Variants in NOL4 observed in about 807,000 individuals in gnomAD.
NOL4 encodes cancer/testis antigen 125.
A neutral mutation model predicts 75.9 loss-of-function variants in NOL4; 17 were observed. The observed-to-expected ratio is 0.22, with a 90% confidence interval of 0.15 to 0.34. The LOEUF is 0.34. Ranked by LOEUF, NOL4 falls within the 10% of genes least tolerant of loss-of-function variation. NOL4 has a pLI of 1.00. For missense variants in NOL4, 614 were observed against 793.5 expected, an observed-to-expected ratio of 0.77 and a Z score of 2.72; for synonymous variants, 292 against 289.9, an observed-to-expected ratio of 1.01 and a Z score of -0.07.
At chr18:33,919,963 T>C (rs2066934035) in intron 9 of NOL4, among the ~76,000 whole-genome samples, 1 of 152,198 alleles carries the variant, frequency 6.6e-6, no homozygotes, top group Non-Finnish European at 1.5e-5. Flanking sequence ...AACAACATAA[T>C]AGACTACGTA....
chr18:34,092,535 G>T (rs181995814), intron 5 of NOL4, among the ~76,000 whole-genome samples: 2 of 152,214 alleles, frequency 1.3e-5, no homozygotes, highest in South Asian at 2.1e-4. Context: ...ATAGCAGCTA[G>T]AAATACAGCA....
chr18:33,856,504 G>C (rs1413438901), intron 10 of NOL4, among the ~76,000 whole-genome samples: 1 of 151,930 alleles, frequency 6.6e-6, no homozygotes. Flanking sequence ...ATATTACCAT[G>C]AGTCCTGAGT....
intron 5 of NOL4, among the ~76,000 whole-genome samples, chr18:34,088,679 A>C (rs191003794): frequency 1.3e-5 from 2 of 152,214 alleles, no homozygotes; most frequent in Admixed American, 6.5e-5. Flanking sequence ...ATAACCTTTA[A>C]ATGATTTTAA....
chr18:34,145,879 C>T (rs1025637783), intron 1 of NOL4, among the ~76,000 whole-genome samples: 1 of 151,948 alleles, frequency 6.6e-6, no homozygotes, highest in African/African-American at 2.4e-5. Flanking sequence ...ATGATTTACC[C>T]AAGAAAACAA....
intron 6 of NOL4, among the ~76,000 whole-genome samples, chr18:34,018,394 C>T (rs1158150196): frequency 4.6e-5 from 7 of 152,142 alleles, no homozygotes; most frequent in African/African-American, 1.7e-4. Flanking sequence ...AACACACCCC[C>T]AGGCAAGCCA....
chr18:33,938,677 C>G (rs974282600), intron 9 of NOL4, among the ~76,000 whole-genome samples: 1 of 152,064 alleles, frequency 6.6e-6, no homozygotes, highest in African/African-American at 2.4e-5. Context: ...TGGATATTAG[C>G]CCTTTGTCAG....
chr18:33,856,704 A>G (rs2062853175), intron 10 of NOL4, among the ~76,000 whole-genome samples: 1 of 152,108 alleles, frequency 6.6e-6, no homozygotes. Context: ...TTAAACAAAG[A>G]ACAAGGTAGT....
intron 9 of NOL4, among the ~76,000 whole-genome samples, chr18:33,905,884 C>A (rs992044324): frequency 1.3e-5 from 2 of 152,134 alleles, no homozygotes; most frequent in African/African-American, 4.8e-5. Context: ...CCCCATCCAA[C>A]CAGTAGTACC....
chr18:34,155,767 G>A (rs2030267911), intron 1 of NOL4, among the ~76,000 whole-genome samples: 1 of 152,082 alleles, frequency 6.6e-6, no homozygotes, highest in Admixed American at 6.6e-5. Context: ...GTACTAAGGA[G>A]TGTTTCCTAT....
At chr18:34,026,791 C>T (rs1011008585) in intron 5 of NOL4, among the ~76,000 whole-genome samples, 1 of 152,108 alleles carries the variant, frequency 6.6e-6, no homozygotes, top group Non-Finnish European at 1.5e-5. Flanking sequence ...TAATTACCGT[C>T]AGTAACAGTG....
chr18:34,110,128 CAAAAAAAAAAAAAAAAAAAAAA>C (rs57576599), intron 2 of NOL4, among the ~76,000 whole-genome samples: 4 of 47,808 alleles, frequency 8.4e-5, no homozygotes, highest in African/African-American at 3.0e-4. Context: ...CGCCCTCCCA[CAAAAAAAAAAAAAAAAAAAAAA>C]AAAAAAAAAA....
At chr18:33,891,335 T>C (rs896335042) in intron 9 of NOL4, among the ~76,000 whole-genome samples, 3 of 152,140 alleles carry the variant, frequency 2.0e-5, no homozygotes, top group African/African-American at 7.2e-5. Context: ...CATGTCCTCT[T>C]TAACCAGACT....
chr18:34,170,997 T>G (rs528565346), intron 1 of NOL4, among the ~76,000 whole-genome samples: 1 of 152,324 alleles, frequency 6.6e-6, no homozygotes, highest in African/African-American at 2.4e-5. Flanking sequence ...TTGATCAGCA[T>G]TTTTAGCAGA....
chr18:33,977,137 C>A (rs2071556449), intron 6 of NOL4, among the ~76,000 whole-genome samples: 1 of 152,082 alleles, frequency 6.6e-6, no homozygotes, highest in South Asian at 2.1e-4. Context: ...GTACTTAGTA[C>A]TTTACACATA....
At chr18:34,046,374 G>A (rs774631335) in intron 5 of NOL4, among the ~76,000 whole-genome samples, 39 of 151,736 alleles carry the variant, frequency 2.6e-4, no homozygotes, top group East Asian at 1.9e-4. Context: ...ACCAAAACTT[G>A]CCTAAGATAG....
intron 5 of NOL4, among the ~76,000 whole-genome samples, chr18:34,040,556 A>C (rs2076098004): frequency 6.6e-6 from 1 of 151,996 alleles, no homozygotes; most frequent in Admixed American, 6.6e-5. Flanking sequence ...ACAACATGCG[A>C]GGTGGAGGTT....
chr18:34,133,522 C>T, intron 1 of NOL4, among the ~76,000 whole-genome samples: 1 of 151,658 alleles, frequency 6.6e-6, no homozygotes, highest in East Asian at 1.9e-4. Flanking sequence ...AGTATAATTG[C>T]ATATTTGTTC....
intron 1 of NOL4, among the ~76,000 whole-genome samples, chr18:34,182,519 T>C (rs868706356): frequency 2.6e-5 from 4 of 151,642 alleles, no homozygotes; most frequent in Non-Finnish European, 5.9e-5. Context: ...TTAAAACCAA[T>C]AAAATATACA....
At chr18:33,928,207 A>G (rs1568076191) in intron 9 of NOL4, among the ~76,000 whole-genome samples, 1 of 152,150 alleles carries the variant, frequency 6.6e-6, no homozygotes, top group African/African-American at 2.4e-5. Context: ...ATCCCAGTAA[A>G]CCATATGTTT....
Sources: allele counts gnomAD v4.1 joint callset (sites outside exome capture counted in the v4.1 genomes callset), GRCh38; gene constraint gnomAD v4.1.1; transcripts MANE v1.5; gene names NCBI Gene and HGNC (gene_info 2026-07-23, HGNC 2026-07-21).